Variants in TSPAN12 observed in about 807,000 individuals in gnomAD.
TSPAN12 encodes tetraspanin 12, also known as tetraspanin-12.
Under a neutral mutation model 39.2 loss-of-function variants are expected in TSPAN12, and 19 were observed. The ratio of observed to expected loss-of-function variants is 0.49; its 90% CI spans 0.34 to 0.71. The LOEUF (loss-of-function observed/expected upper bound fraction) is 0.71. TSPAN12 is among the 30% of genes least tolerant of loss of function. The pLI, the probability that TSPAN12 is intolerant of heterozygous loss-of-function variation, is 0.01. For synonymous variants in TSPAN12, 119 were observed against 124.8 expected (o/e 0.95, Z 0.31); for missense variants, 314 against 359.9 (o/e 0.87, Z 1.03).
At chr7:120,833,644 C>T (rs1425171113) in intron 4 of TSPAN12, among the ~76,000 whole-genome samples, 1 of 152,138 alleles carries the variant, frequency 6.6e-6, no homozygotes, top group Non-Finnish European at 1.5e-5. Flanking sequence ...GTACATCCAA[C>T]TTAATTTCTG....
intron 2 of TSPAN12, among the ~76,000 whole-genome samples, chr7:120,847,629 C>T (rs1024552732): frequency 3.9e-5 from 6 of 152,184 alleles, no homozygotes; most frequent in Non-Finnish European, 7.3e-5. Flanking sequence ...TCTAATTAGT[C>T]TCAAGTCCTT....
At chr7:120,797,181 C>G (rs757422749) in intron 7 of TSPAN12, among the ~76,000 whole-genome samples, 17 of 152,182 alleles carry the variant, frequency 1.1e-4, no homozygotes, top group Non-Finnish European at 2.4e-4. Flanking sequence ...AGCTTCCTAG[C>G]CTGACCACAT....
intron 4 of TSPAN12, among the ~76,000 whole-genome samples, chr7:120,824,420 G>C (rs1245232268): frequency 1.3e-5 from 2 of 151,772 alleles, no homozygotes; most frequent in South Asian, 2.1e-4. Context: ...CTAGCCTGGT[G>C]ATAGAGCGAG....
intron 4 of TSPAN12, among the ~76,000 whole-genome samples, chr7:120,828,516 C>T (rs1346729672): frequency 6.6e-6 from 1 of 152,146 alleles, no homozygotes; most frequent in Admixed American, 6.5e-5. Context: ...CGCCTTTCTC[C>T]TCTGGCCCAC....
chr7:120,827,593 T>A (rs1794313893), intron 4 of TSPAN12, among the ~76,000 whole-genome samples: 1 of 152,216 alleles, frequency 6.6e-6, no homozygotes, highest in South Asian at 2.1e-4. Context: ...TTGAATTAAC[T>A]ACAAATTACA....
intron 2 of TSPAN12, among the ~76,000 whole-genome samples, chr7:120,856,195 C>G (rs1346503096): frequency 1.3e-5 from 2 of 152,140 alleles, no homozygotes; most frequent in Non-Finnish European, 2.9e-5. Context: ...TATGGAATCC[C>G]CTAGACAAAT....
intron 2 of TSPAN12, among the ~76,000 whole-genome samples, chr7:120,842,065 T>C (rs1794588598): frequency 6.6e-6 from 1 of 152,218 alleles, no homozygotes; most frequent in Admixed American, 6.5e-5. Flanking sequence ...TTTCTGGCAT[T>C]GTAATGAACA....
chr7:120,850,772 C>A (rs940702512), intron 2 of TSPAN12, among the ~76,000 whole-genome samples: 1 of 151,634 alleles, frequency 6.6e-6, no homozygotes, highest in African/African-American at 2.4e-5. Flanking sequence ...TCACTGCAAT[C>A]TCCCCCTCCC....
chr7:120,805,405 A>G (rs1487049338), intron 7 of TSPAN12, among the ~76,000 whole-genome samples: 1 of 152,186 alleles, frequency 6.6e-6, no homozygotes, highest in Non-Finnish European at 1.5e-5. Context: ...AGGAATAAAA[A>G]GCATAACCTC....
intron 6 of TSPAN12, among the ~76,000 whole-genome samples, chr7:120,810,076 C>A (rs1326913436): frequency 6.6e-6 from 1 of 152,026 alleles, no homozygotes; most frequent in Non-Finnish European, 1.5e-5. Context: ...CAAATGAGAA[C>A]AATCATTTTT....
chr7:120,825,441 T>C (rs1178547499), intron 4 of TSPAN12, among the ~76,000 whole-genome samples: 1 of 152,318 alleles, frequency 6.6e-6, no homozygotes, highest in East Asian at 1.9e-4. Context: ...CACACTTTAC[T>C]GGACATTTTA....
At chr7:120,819,552 A>G (rs1001119979) in intron 4 of TSPAN12, among the ~76,000 whole-genome samples, 1 of 152,156 alleles carries the variant, frequency 6.6e-6, no homozygotes, top group African/African-American at 2.4e-5. Context: ...TTGAGGTTGA[A>G]AAGACAAGTT....
intron 4 of TSPAN12, among the ~76,000 whole-genome samples, chr7:120,818,349 T>C (rs901577390): frequency 7.2e-5 from 11 of 151,974 alleles, no homozygotes; most frequent in East Asian, 1.9e-4. Context: ...TCTGGCAATT[T>C]TGTGAAAAAA....
chr7:120,805,549 G>T (rs942198833), intron 7 of TSPAN12, among the ~76,000 whole-genome samples: 3 of 152,090 alleles, frequency 2.0e-5, no homozygotes, highest in African/African-American at 7.2e-5. Context: ...AGTGCCTTGT[G>T]ATACCAGGTA....
At chr7:120,821,170 C>A in intron 4 of TSPAN12, among the ~76,000 whole-genome samples, 1 of 151,924 alleles carries the variant, frequency 6.6e-6, no homozygotes, top group Admixed American at 6.6e-5. Context: ...TATCTAATTT[C>A]CCCTACTATA....
Position 120,806,540 on chromosome 7 carries a change from T to C in TSPAN12, c.612+9A>G, listed in dbSNP as rs1412735376. On this transcript the variant is annotated intron_variant, in intron 7 of 7. Transcript: ENST00000222747. ...TTATCCATAATAAATTAACCATATA[T>C]GGCCTCACCTCTTGATAAAGGTCAC... 1.9e-6 allele frequency: 3 copies of C among 1,612,856 alleles called. No individual in the cohort carries two copies. Among genetic ancestry groups the C allele is most frequent in the African/African-American group, 2.7e-5 (2 of 74,884 alleles).
chr7:120,815,796 C>A lies in TSPAN12; in HGVS notation c.293G>T (p.Gly98Val). ...RNLLLLAWYF[G>V]SLLVIFCVEL... ...TACACAGAAAATGACAAGCAAACTT[C>A]CAAAGTACTGTAGAAAAACAGAAAA... is the stretch of plus-strand genomic sequence containing the variant. Residue 98 changes from glycine (G) to valine (V), a missense_variant, in exon 5 of 8, where the codon GGA becomes GTA. Physicochemically the swap from Gly to Val is moderately radical, Grantham distance 109. Coordinates refer to ENST00000222747, the MANE Select transcript of TSPAN12 (RefSeq NM_012338.4). 6.2e-7 allele frequency: 1 copy of A among 1,612,274 alleles called. No individual in the cohort carries two copies. The highest frequency in any genetic ancestry group is 1.1e-5 in the South Asian group (1 of 90,948).
intron 7 of TSPAN12, among the ~76,000 whole-genome samples, chr7:120,803,166 T>C (rs1374471650): frequency 1.3e-5 from 2 of 152,192 alleles, no homozygotes. Flanking sequence ...AGATAACCTG[T>C]CTCACAATTG....
intron 4 of TSPAN12, among the ~76,000 whole-genome samples, chr7:120,823,132 A>T: frequency 6.6e-6 from 1 of 152,118 alleles, no homozygotes; most frequent in East Asian, 1.9e-4. Context: ...GAGAGACTAA[A>T]CAGAGAAGGA....
Sources: allele counts gnomAD v4.1 joint callset (sites outside exome capture counted in the v4.1 genomes callset), GRCh38; gene constraint gnomAD v4.1.1; transcripts MANE v1.5; gene names NCBI Gene and HGNC (gene_info 2026-07-23, HGNC 2026-07-21).